GET1: variants seen among roughly 807,000 people sequenced by gnomAD.
GET1 encodes guided entry of tail-anchored proteins factor 1.
In GET1, 20 loss-of-function variants were observed where a neutral mutation model predicts 22.6. That is an observed-to-expected ratio of 0.89 (90% CI 0.62 to 1.29). GET1 has a LOEUF of 1.29. Among genes scored for constraint, GET1 ranks in the 50% most tolerant of loss-of-function variants. The pLI is 0.00. For synonymous variants in GET1, 92 were observed against 83.8 expected (o/e 1.10, Z -0.53); for missense variants, 209 against 219.9 (o/e 0.95, Z 0.31).
At chr21:39,384,938 C>T (rs1316378019) in intron 1 of GET1, among the ~76,000 whole-genome samples, 5 of 152,100 alleles carry the variant, frequency 3.3e-5, no homozygotes, top group African/African-American at 1.2e-4. Flanking sequence ...ATTATCCCAG[C>T]AGAGTACACC....
At chr21:39,423,423 A>G in intron 1 of GET1, 1 of 1,600,732 alleles carries the variant, frequency 6.2e-7, no homozygotes, top group Non-Finnish European at 8.5e-7. Flanking sequence ...GGGCAATCAT[A>G]TGGATTTGAG....
At chr21:39,399,708 G>A (rs1474558180), downstream of GET1, among the ~76,000 whole-genome samples, 3 of 151,748 alleles carry the variant, frequency 2.0e-5, no homozygotes, top group Non-Finnish European at 4.4e-5. Flanking sequence ...CCCAAAGTTG[G>A]GATTACAGAC....
intron 1 of GET1, among the ~76,000 whole-genome samples, chr21:39,384,461 T>C (rs1051529583): frequency 4.0e-5 from 6 of 151,814 alleles, no homozygotes; most frequent in African/African-American, 9.7e-5. Context: ...GGTTTCACCA[T>C]GTTGGCCTGG....
chr21:39,401,632 C>T (rs2147027043), downstream of GET1, among the ~76,000 whole-genome samples: 2 of 152,222 alleles, frequency 1.3e-5, no homozygotes, highest in East Asian at 1.9e-4. Context: ...TTTTTTTGCG[C>T]TTCACTTTAC....
intron 4 of GET1, among the ~76,000 whole-genome samples, chr21:39,404,735 A>G (rs931219541): frequency 1.5e-4 from 19 of 124,668 alleles, no homozygotes; most frequent in African/African-American, 5.9e-4. Context: ...CCTGGGTGAC[A>G]CACTGAGACA....
intron 3 of GET1, among the ~76,000 whole-genome samples, chr21:39,392,223 G>A (rs878950135): frequency 2.6e-5 from 4 of 152,066 alleles, no homozygotes; most frequent in Non-Finnish European, 5.9e-5. Context: ...CTTCATGCAC[G>A]CTCTCCACCC....
intron 1 of GET1, chr21:39,423,111 C>T: frequency 6.2e-7 from 1 of 1,613,838 alleles, no homozygotes; most frequent in Non-Finnish European, 8.5e-7. Context: ...TCTTCAGTAA[C>T]TGGCTGTCAG....
chr21:39,398,727 C>T (rs551121953), downstream of GET1, among the ~76,000 whole-genome samples: 3 of 150,824 alleles, frequency 2.0e-5, no homozygotes, highest in East Asian at 6.0e-4. Context: ...GATTCTCTTA[C>T]CTCAGCCTCC....
Position 39,382,057 on chromosome 21 carries a change from C to CT in GET1, c.102+1586dup, listed in dbSNP as rs1045395971. Reference sequence around the variant, plus strand: ...CGTGGCCCCGCTCCCAGAACATTTTCTTTTTTTTTTTTTTTGAGACAGAGT... The same window carrying CT: ...CGTGGCCCCGCTCCCAGAACATTTTCTTTTTTTTTTTTTTTTGAGACAGAGT... On this transcript the variant is annotated intron_variant, in intron 1 of 4. Coordinates refer to ENST00000649170, the MANE Select transcript of GET1 (RefSeq NM_004627.6). 2.1e-3 allele frequency among the ~76,000 whole-genome samples: 283 copies of CT among 135,372 alleles called. 1 individual carries two copies. Among genetic ancestry groups the CT allele is most frequent in the South Asian group, 3.1e-3 (13 of 4,210 alleles). The allele number at this position is 135,372 out of a possible 152,430, so 88.8% of individuals were successfully genotyped here.
At chr21:39,428,505 T>G (rs1012565363) in exon 2 of GET1, 1 of 1,470,024 alleles carries the variant, frequency 6.8e-7, no homozygotes, top group African/African-American at 1.5e-5. Context: ...GCAAACAACC[T>G]AATAAAAGAA....
At chr21:39,381,004 G>C (rs900485635) in intron 1 of GET1, 1 of 959,652 alleles carries the variant, frequency 1.0e-6, no homozygotes, top group Non-Finnish European at 1.2e-6. Flanking sequence ...CCAGGTTGGG[G>C]AACACTCTCT....
In GET1 at chr21:39,380,342, T is replaced by A. The variant is rs757035991; in HGVS notation, c.-43T>A. On this transcript the variant is annotated 5_prime_UTR_variant, in exon 1 of 5. The change abolishes an upstream ATG in the 5' untranslated region. Coordinates refer to ENST00000649170, the MANE Select transcript of GET1 (RefSeq NM_004627.6). ...GTCGCCGCTGTTGTTGTGGTCCCCATGGAGCTGCCGTAGCGGACCCAGCAC... is the reference window on the plus strand; with the variant it reads ...GTCGCCGCTGTTGTTGTGGTCCCCAAGGAGCTGCCGTAGCGGACCCAGCAC... The A allele has an allele frequency of 1.3e-6, 2 of 1,562,988 alleles. No homozygotes were observed. Among genetic ancestry groups the A allele is most frequent in the African/African-American group, 1.4e-5 (1 of 73,668 alleles).
At chr21:39,381,041 T>C in intron 1 of GET1, 1 of 759,568 alleles carries the variant, frequency 1.3e-6, no homozygotes, top group African/African-American at 1.9e-5. Context: ...GTACATTACC[T>C]CTGTCTCACG....
At chr21:39,423,411 T>C (rs749881986) in intron 1 of GET1, 8 of 1,605,154 alleles carry the variant, frequency 5.0e-6, no homozygotes, top group Non-Finnish European at 6.8e-6. Context: ...CATCTCTTCT[T>C]TGGGCAATCA....
intron 1 of GET1, among the ~76,000 whole-genome samples, chr21:39,418,677 T>C (rs2041739082): frequency 6.6e-6 from 1 of 152,058 alleles, no homozygotes; most frequent in Non-Finnish European, 1.5e-5. Flanking sequence ...TTTTTGTATT[T>C]TTAGTAGAGA....
At chr21:39,422,034 G>T (rs1042626322) in intron 1 of GET1, 1 of 152,136 alleles carries the variant, frequency 6.6e-6, no homozygotes, top group African/African-American at 2.4e-5. Context: ...TATCACTTTG[G>T]TATACAAGAG....
At chr21:39,391,195 G>GGATT (rs1458194602) in intron 2 of GET1, 1 of 232,778 alleles carries the variant, frequency 4.3e-6, no homozygotes, top group Non-Finnish European at 8.6e-6. Flanking sequence ...GTCTCACAGT[G>GGATT]GATTCCCAGA....
At chr21:39,410,042 G>A (rs1452973999), downstream of GET1, 3 of 1,610,566 alleles carry the variant, frequency 1.9e-6, no homozygotes, top group African/African-American at 1.3e-5. Flanking sequence ...GGAATTTCAT[G>A]ATTTATTTCA....
chr21:39,390,607 G>A (rs1160235932), intron 1 of GET1, 91 bp from the exon 2 acceptor site: 1 of 1,518,158 alleles, frequency 6.6e-7, no homozygotes, highest in African/African-American at 1.4e-5. Context: ...TCACAGAGTG[G>A]TCAGGGCATA....
Sources: allele counts gnomAD v4.1 joint callset (sites outside exome capture counted in the v4.1 genomes callset), GRCh38; gene constraint gnomAD v4.1.1; transcripts MANE v1.5; gene names NCBI Gene and HGNC (gene_info 2026-07-23, HGNC 2026-07-21).